ADK: variants seen among roughly 807,000 people sequenced by gnomAD.
The protein encoded by ADK is N6,N6-dimethyladenosine kinase.
A neutral mutation model predicts 44.7 loss-of-function variants in ADK; 24 were observed. The ratio of observed to expected loss-of-function variants is 0.54; its 90% CI spans 0.39 to 0.76. The LOEUF (loss-of-function observed/expected upper bound fraction) is 0.76, where lower values mean the gene tolerates loss of function less well. Ranked by LOEUF, ADK falls within the 30% of genes least tolerant of loss-of-function variation. The pLI is 0.00. For synonymous variants in ADK, 128 were observed against 142.6 expected (o/e 0.90, Z 0.73); for missense variants, 321 against 425.1 (o/e 0.76, Z 2.15).
chr10:74,503,053 A>C (rs1346542453), intron 6 of ADK, among the ~76,000 whole-genome samples: 1 of 152,096 alleles, frequency 6.6e-6, no homozygotes, highest in Non-Finnish European at 1.5e-5. Flanking sequence ...TTTCATTTCT[A>C]CTTAGTATGT....
chr10:74,511,786 G>A (rs1848338578), intron 6 of ADK, among the ~76,000 whole-genome samples: 1 of 151,982 alleles, frequency 6.6e-6, no homozygotes, highest in African/African-American at 2.4e-5. Context: ...TTTTGATATG[G>A]TTTATTTCTT....
intron 10 of ADK, among the ~76,000 whole-genome samples, chr10:74,694,462 T>C (rs1856104101): frequency 6.6e-6 from 1 of 151,824 alleles, no homozygotes; most frequent in Non-Finnish European, 1.5e-5. Context: ...AAACAGAAGG[T>C]TTGGGGGTTT....
rs945218372 is a variant in ADK, at chr10:74,200,666, T to A, written c.66-98T>A. On this transcript the variant is annotated intron_variant, in intron 1 of 10. Transcript: ENST00000539909. ...ATAAACTGGTGTGTTAGGTTTATTTTCAGGTTGAAATGAAGATAGTTATTT... is the reference window on the plus strand; with the variant it reads ...ATAAACTGGTGTGTTAGGTTTATTTACAGGTTGAAATGAAGATAGTTATTT... The A allele has an allele frequency of 6.1e-6, 5 of 818,410 alleles. No homozygotes were observed. The African/African-American group carries it at 6.8e-5, about 11-fold the overall frequency. The allele number at this position is 818,410 out of a possible 1,614,324, so 50.7% of individuals were successfully genotyped here.
At chr10:74,514,184 A>T (rs532753970) in intron 6 of ADK, among the ~76,000 whole-genome samples, 1 of 150,044 alleles carries the variant, frequency 6.7e-6, no homozygotes, top group South Asian at 2.1e-4. Context: ...TGTTAGTCTA[A>T]TGGGGATTCC....
intron 6 of ADK, among the ~76,000 whole-genome samples, chr10:74,481,727 G>A (rs1052414846): frequency 2.6e-5 from 4 of 151,730 alleles, no homozygotes; most frequent in African/African-American, 9.7e-5. Flanking sequence ...TACAAATTCT[G>A]TTCTGGTTCC....
intron 6 of ADK, among the ~76,000 whole-genome samples, chr10:74,490,845 G>A (rs1427634961): frequency 1.3e-5 from 2 of 152,014 alleles, no homozygotes; most frequent in East Asian, 3.9e-4. Context: ...TTTCCCCATA[G>A]TAACTCACAG....
intron 5 of ADK, among the ~76,000 whole-genome samples, chr10:74,395,427 G>A (rs2132834751): frequency 6.6e-6 from 1 of 151,866 alleles, no homozygotes; most frequent in Middle Eastern, 3.4e-3. Flanking sequence ...AAATTATTAG[G>A]GTATGAAAGG....
chr10:74,584,328 G>C (rs1851462032), intron 7 of ADK, among the ~76,000 whole-genome samples: 1 of 152,154 alleles, frequency 6.6e-6, no homozygotes, highest in Non-Finnish European at 1.5e-5. Flanking sequence ...CAACGAAATA[G>C]GTATGGTTAA....
chr10:74,176,742 G>A (rs1233626814), intron 1 of ADK: 2 of 1,529,178 alleles, frequency 1.3e-6, no homozygotes, highest in African/African-American at 1.4e-5. Context: ...CCGCGCGCGG[G>A]GTGTGTGAGG....
At chr10:74,243,338 G>A (rs976685224) in intron 3 of ADK, among the ~76,000 whole-genome samples, 1 of 152,156 alleles carries the variant, frequency 6.6e-6, no homozygotes, top group Non-Finnish European at 1.5e-5. Context: ...GTAAACTGTC[G>A]CCCTTGTTGC....
intron 6 of ADK, among the ~76,000 whole-genome samples, chr10:74,458,505 C>T (rs1846043659): frequency 6.6e-6 from 1 of 151,938 alleles, no homozygotes; most frequent in Non-Finnish European, 1.5e-5. Context: ...AATTTAACTT[C>T]AGATATCACC....
intron 6 of ADK, among the ~76,000 whole-genome samples, chr10:74,412,423 G>T (rs1268641895): frequency 2.0e-5 from 3 of 152,170 alleles, no homozygotes; most frequent in Non-Finnish European, 2.9e-5. Flanking sequence ...TTGCAGGTGT[G>T]AGCCACCATG....
At chr10:74,594,722 A>G (rs770865752) in intron 8 of ADK, among the ~76,000 whole-genome samples, 2 of 152,078 alleles carry the variant, frequency 1.3e-5, no homozygotes, top group Non-Finnish European at 2.9e-5. Flanking sequence ...TTGGAAGACA[A>G]TGTGATCACC....
chr10:74,433,773 A>C (rs1482131270), intron 6 of ADK, among the ~76,000 whole-genome samples: 1 of 152,064 alleles, frequency 6.6e-6, no homozygotes, highest in Non-Finnish European at 1.5e-5. Context: ...TTCATATGAG[A>C]GTAACAGTGT....
intron 2 of ADK, among the ~76,000 whole-genome samples, chr10:74,204,841 C>G (rs980001063): frequency 2.0e-5 from 3 of 151,522 alleles, no homozygotes; most frequent in Non-Finnish European, 4.4e-5. Context: ...GTCAGGAGTT[C>G]AAGTCATGCC....
At chr10:74,227,261 ACTT>A (rs1844576600) in intron 3 of ADK, among the ~76,000 whole-genome samples, 1 of 152,362 alleles carries the variant, frequency 6.6e-6, no homozygotes, top group Admixed American at 6.5e-5. Context: ...CATTATTACA[ACTT>A]CTTAATTTCA....
Position 74,282,334 on chromosome 10 carries a change from C to T in ADK, c.195-32333C>T, listed in dbSNP as rs1051234130. Among the ~76,000 whole-genome samples, 10 of 152,082 alleles carry T rather than the reference C, an allele frequency of 6.6e-5. No homozygotes were observed. The East Asian group carries it at 1.3e-3, about 20-fold the overall frequency. On this transcript the variant is annotated intron_variant, in intron 3 of 10. Transcript: ENST00000539909. The stretch of plus-strand genomic sequence containing the variant: ...AAGTTGTAAATTAATACCTCATGAG[C>T]GTATTTGACTGCAGGGCATTGTTGT...
intron 1 of ADK, chr10:74,176,710 G>A (rs1441288312): frequency 1.4e-6 from 2 of 1,471,628 alleles, no homozygotes; most frequent in South Asian, 1.3e-5. Context: ...TCAGCACGCC[G>A]GGCCGGCTAG....
intron 1 of ADK, among the ~76,000 whole-genome samples, chr10:74,159,678 C>T (rs779615129): frequency 2.8e-4 from 42 of 152,078 alleles, no homozygotes; most frequent in South Asian, 4.1e-4. Context: ...CTGCAACCTC[C>T]GCCTCCTGGG....
Sources: allele counts gnomAD v4.1 joint callset (sites outside exome capture counted in the v4.1 genomes callset), GRCh38; gene constraint gnomAD v4.1.1; transcripts MANE v1.5; gene names NCBI Gene and HGNC (gene_info 2026-07-23, HGNC 2026-07-21).